Variants in NTMT1 observed in about 807,000 individuals in gnomAD.
The protein encoded by NTMT1 is N-terminal RCC1 methyltransferase.
NTMT1 carries 8 observed loss-of-function variants against 17.5 expected under a neutral mutation model. The observed-to-expected ratio is 0.46, with a 90% confidence interval of 0.27 to 0.82. NTMT1 has a LOEUF of 0.82. NTMT1 is among the 40% of genes least tolerant of loss of function. The pLI, the probability that NTMT1 is intolerant of heterozygous loss-of-function variation, is 0.15. For synonymous variants in NTMT1, 128 were observed against 126.8 expected (o/e 1.01, Z -0.06); for missense variants, 221 against 303.5 (o/e 0.73, Z 2.02).
intron 1 of NTMT1, among the ~76,000 whole-genome samples, chr9:129,630,538 G>A (rs751118782): frequency 3.3e-5 from 5 of 152,218 alleles, no homozygotes; most frequent in South Asian, 2.1e-4. Context: ...GCATTTTCCC[G>A]TTTCCCTCTG....
rs1440596804 is a variant in NTMT1 at position 129,614,656 on chromosome 9, CA to C, written c.-55+5479del. ...CGGTGGCTCATGCCTGTAATCCCAG[CA>C]CTTTGGGAGGCAGAGGCAGGTGGAT... is the stretch of plus-strand genomic sequence containing the variant. On this transcript the variant is annotated intron_variant, in intron 1 of 3. Transcript: ENST00000372486. This position sits in a 1 kb window ranked among gnomAD's most constrained non-coding sequence, Gnocchi z 4.4. Among the ~76,000 whole-genome samples, 2 of 152,026 alleles carry C rather than the reference CA, an allele frequency of 1.3e-5. No homozygotes were observed. Among genetic ancestry groups the C allele is most frequent in the Admixed American group, 6.6e-5 (1 of 15,258 alleles).
chr9:129,629,914 A>C (rs1831074423), intron 1 of NTMT1, among the ~76,000 whole-genome samples: 1 of 151,882 alleles, frequency 6.6e-6, no homozygotes, highest in African/African-American at 2.4e-5. Context: ...AGCCTGGGCC[A>C]CATAGTAAGA....
In NTMT1 at chr9:129,620,294, C is replaced by T. The variant is rs1380177489; in HGVS notation, c.-55+11116C>T. 2.4e-6 allele frequency: 3 copies of T among 1,254,476 alleles called. No homozygotes were observed. Among genetic ancestry groups the T allele is most frequent in the African/African-American group, 3.1e-5 (2 of 64,252 alleles). The allele number at this position is 1,254,476 out of a possible 1,614,324, so 77.7% of individuals were successfully genotyped here. On this transcript the variant is annotated intron_variant, in intron 1 of 3. Coordinates refer to the NTMT1 transcript ENST00000372486. The surrounding 1 kb of genome is among the most constrained non-coding windows in gnomAD (Gnocchi z 5.8). ...CGGCAGCAGGGACCGCAGCAGCCCCCGCTTCCGCACGGCCCGCCGGGTCGC... is the reference window on the plus strand; with the variant it reads ...CGGCAGCAGGGACCGCAGCAGCCCCTGCTTCCGCACGGCCCGCCGGGTCGC...
At chr9:129,621,296 CAT>C (rs1214328147), upstream of NTMT1, among the ~76,000 whole-genome samples, 2 of 152,204 alleles carry the variant, frequency 1.3e-5, no homozygotes, top group Non-Finnish European at 2.9e-5. Flanking sequence ...CCCCAGCCCC[CAT>C]TCTGATTCAG....
At chr9:129,619,558 A>C (rs1157821060) in intron 1 of NTMT1, 1 of 1,614,068 alleles carries the variant, frequency 6.2e-7, no homozygotes, top group Admixed American at 1.7e-5. Flanking sequence ...GTGAGTGATC[A>C]CCCTTCAGGG....
upstream of NTMT1, among the ~76,000 whole-genome samples, chr9:129,625,504 G>A (rs1385589275): frequency 1.3e-5 from 2 of 152,118 alleles, no homozygotes; most frequent in African/African-American, 4.8e-5. Flanking sequence ...GGGAGAGGGC[G>A]ACGCTGCGGC....
intron 1 of NTMT1, among the ~76,000 whole-genome samples, chr9:129,631,712 G>T (rs79323979): frequency 0.032 from 4,919 of 152,272 alleles, 287 homozygotes; most frequent in African/African-American, 0.11. Flanking sequence ...CTTCCCTCCA[G>T]GAGCAGTGCC....
chr9:129,620,468 G>A lies in NTMT1; in HGVS notation c.-55+11290G>A. Reference sequence around the variant, plus strand: ...CAGAGCCGCTCGGAGCGCGGGCGGGGTCAGCTTGGGCAGCCGCGGGTCGCT... The same window carrying A: ...CAGAGCCGCTCGGAGCGCGGGCGGGATCAGCTTGGGCAGCCGCGGGTCGCT... On this transcript the variant is annotated intron_variant, in intron 1 of 3. Coordinates refer to the NTMT1 transcript ENST00000372486. The surrounding 1 kb of genome is among the most constrained non-coding windows in gnomAD (Gnocchi z 5.8). 1 of 1,353,038 alleles carries A rather than the reference G, an allele frequency of 7.4e-7. No individual in the cohort carries two copies. The highest frequency in any genetic ancestry group is 9.5e-7 in the Non-Finnish European group (1 of 1,049,006). The allele number at this position is 1,353,038 out of a possible 1,614,324, so 83.8% of individuals were successfully genotyped here.
chr9:129,635,599 A>T lies in NTMT1; in HGVS notation c.*135A>T. 3 of 1,106,512 alleles carry T rather than the reference A, an allele frequency of 2.7e-6. No homozygotes were observed. Among genetic ancestry groups the T allele is most frequent in the Non-Finnish European group, 3.9e-6 (3 of 774,492 alleles). 68.5% of individuals were successfully genotyped at this position (1,106,512 alleles called of 1,614,324 possible). On this transcript the variant is annotated 3_prime_UTR_variant, in exon 4 of 4. Transcript: ENST00000372483. Reference sequence around the variant, plus strand: ...AAATATAGCTGTCTGCCGTCCACTCATTATGCGGGCTCTTCTTCAAAAGGC... The same window carrying T: ...AAATATAGCTGTCTGCCGTCCACTCTTTATGCGGGCTCTTCTTCAAAAGGC...
upstream of NTMT1, among the ~76,000 whole-genome samples, chr9:129,622,141 C>A (rs543412292): frequency 6.6e-6 from 1 of 152,312 alleles, no homozygotes; most frequent in East Asian, 1.9e-4. Flanking sequence ...GGCTGGGTGG[C>A]TCTGGAAGTA....
At chr9:129,619,853 G>C (rs1830587043) in intron 1 of NTMT1, 6 of 1,610,930 alleles carry the variant, frequency 3.7e-6, no homozygotes, top group Non-Finnish European at 5.1e-6. Flanking sequence ...GGAAACAGTT[G>C]TGAGCCTTGG....
chr9:129,630,937 C>G (rs1312292860), intron 1 of NTMT1, among the ~76,000 whole-genome samples: 3 of 152,250 alleles, frequency 2.0e-5, no homozygotes, highest in East Asian at 3.9e-4. Flanking sequence ...TAGGTTAGGC[C>G]TTGGCAGTGT....
chr9:129,609,726 G>C (rs1020059125), intron 1 of NTMT1, among the ~76,000 whole-genome samples: 1 of 152,082 alleles, frequency 6.6e-6, no homozygotes, highest in Admixed American at 6.5e-5. Context: ...TGAATGCCTC[G>C]CTCCCTCTTC....
chr9:129,623,494 G>A (rs963256229), upstream of NTMT1, among the ~76,000 whole-genome samples: 2 of 152,194 alleles, frequency 1.3e-5, no homozygotes, highest in Non-Finnish European at 1.5e-5. Context: ...GGAGAGGGCC[G>A]AGAGGAAGCT....
intron 1 of NTMT1, among the ~76,000 whole-genome samples, chr9:129,629,423 C>CT (rs1831042439): frequency 6.6e-6 from 1 of 151,920 alleles, no homozygotes; most frequent in South Asian, 2.1e-4. Context: ...CAATGTCTCA[C>CT]TCTGTTGCCC....
chr9:129,623,493 C>T (rs1016947916), upstream of NTMT1, among the ~76,000 whole-genome samples: 6 of 152,034 alleles, frequency 3.9e-5, no homozygotes, highest in East Asian at 3.9e-4. Context: ...GGGAGAGGGC[C>T]GAGAGGAAGC....
chr9:129,617,022 G>A lies in NTMT1; in HGVS notation c.-55+7844G>A, dbSNP rs143491643. Among the ~76,000 whole-genome samples, 256 of 152,108 alleles carry A rather than the reference G, an allele frequency of 1.7e-3. 2 individuals carry two copies. Among genetic ancestry groups the A allele is most frequent in the African/African-American group, 5.9e-3 (244 of 41,472 alleles). On this transcript the variant is annotated intron_variant, in intron 1 of 3. Transcript: ENST00000372486. The stretch of plus-strand genomic sequence containing the variant: ...GTAGAGGTTGCAGTGAGCCGAGATC[G>A]TGCCACTGCACTCCAGCCTAGGGAC...
upstream of NTMT1, among the ~76,000 whole-genome samples, chr9:129,624,060 C>T (rs577360841): frequency 2.0e-5 from 3 of 152,234 alleles, no homozygotes; most frequent in East Asian, 3.9e-4. Flanking sequence ...TCCCAAAGTG[C>T]TGAGATTACA....
rs779768131 is a variant in NTMT1 at position 129,613,422 on chromosome 9, C to T, written c.-55+4244C>T. ...AATGTCCACGAGTCCCATCCGCTTC[C>T]CTGGAGCCTCACAGGCCAGCGCAGT... On this transcript the variant is annotated intron_variant, in intron 1 of 3. Coordinates refer to the NTMT1 transcript ENST00000372486. This position sits in a 1 kb window ranked among gnomAD's most constrained non-coding sequence, Gnocchi z 6.2. The T allele has an allele frequency of 3.1e-6, 5 of 1,612,440 alleles. No homozygotes were observed. The East Asian group carries it at 6.7e-5, about 22-fold the overall frequency.
Sources: allele counts gnomAD v4.1 joint callset (sites outside exome capture counted in the v4.1 genomes callset), GRCh38; gene constraint gnomAD v4.1.1; non-coding constraint Gnocchi (gnomAD v3.1); transcripts MANE v1.5; gene names NCBI Gene and HGNC (gene_info 2026-07-23, HGNC 2026-07-21).